AGBL1: variants seen among roughly 807,000 people sequenced by gnomAD.
AGBL1 encodes AGBL carboxypeptidase 1.
Under a neutral mutation model 118.9 loss-of-function variants are expected in AGBL1, and 130 were observed. The observed-to-expected ratio is 1.09, with a 90% CI of 0.95 to 1.26. AGBL1 has a LOEUF of 1.26. AGBL1 is among the 50% of genes most tolerant of loss of function. The pLI is 0.00. For synonymous variants in AGBL1, 555 were observed against 478.9 expected (o/e 1.16, Z -2.08); for missense variants, 1,584 against 1,298.1 (o/e 1.22, Z -3.38).
chr15:86,858,940 C>A (rs903371365), intron 22 of AGBL1, among the ~76,000 whole-genome samples: 2 of 152,134 alleles, frequency 1.3e-5, no homozygotes, highest in African/African-American at 4.8e-5. Flanking sequence ...ATTACCTCCA[C>A]CTTATGGAGA....
At chr15:86,154,856 A>C (rs911668723) in intron 4 of AGBL1, among the ~76,000 whole-genome samples, 1 of 150,812 alleles carries the variant, frequency 6.6e-6, no homozygotes, top group Non-Finnish European at 1.5e-5. Context: ...TTCGTACTAC[A>C]AGGTAAAAAA....
rs564967469 is a variant in AGBL1, at chr15:86,168,362, C to T, written c.488+9336C>T. Among the ~76,000 whole-genome samples, 4 of 152,128 alleles carry T rather than the reference C, an allele frequency of 2.6e-5. No individual in the cohort carries two copies. In the South Asian group the frequency reaches 8.3e-4, roughly 32 times the overall value. The stretch of plus-strand genomic sequence containing the variant: ...TTTTATAAGAGCACCACGTTCTAGG[C>T]AGAGGCAGAAGCAAGAGCAAAGACA... On this transcript the variant is annotated intron_variant, in intron 5 of 22. Transcript: ENST00000614907.
At chr15:86,346,382 T>A (rs1478785135) in intron 17 of AGBL1, among the ~76,000 whole-genome samples, 1 of 151,246 alleles carries the variant, frequency 6.6e-6, no homozygotes, top group East Asian at 2.0e-4. Flanking sequence ...AGTCTCGCTC[T>A]GTTGCCCAGG....
intron 24 of AGBL1, among the ~76,000 whole-genome samples, chr15:86,997,262 A>G (rs1293641017): frequency 1.3e-5 from 2 of 152,136 alleles, no homozygotes; most frequent in African/African-American, 4.8e-5. Flanking sequence ...AGAGATAACC[A>G]AATGCATGGC....
intron 18 of AGBL1, among the ~76,000 whole-genome samples, chr15:86,476,518 C>T (rs1209266945): frequency 3.9e-5 from 6 of 152,182 alleles, no homozygotes; most frequent in Non-Finnish European, 7.3e-5. Flanking sequence ...ATCAATTCAA[C>T]AAGAAGAGCT....
At chr15:86,213,994 A>T (rs2078144616) in intron 5 of AGBL1, among the ~76,000 whole-genome samples, 1 of 152,074 alleles carries the variant, frequency 6.6e-6, no homozygotes, top group African/African-American at 2.4e-5. Context: ...TGGGTATCTC[A>T]TGTAAGTGGA....
chr15:86,362,505 C>G (rs549511959), intron 17 of AGBL1, among the ~76,000 whole-genome samples: 1 of 152,252 alleles, frequency 6.6e-6, no homozygotes, highest in East Asian at 1.9e-4. Flanking sequence ...GCTTGAGGAT[C>G]CATAATTCGG....
chr15:86,182,290 C>T (rs2077563675), intron 5 of AGBL1, among the ~76,000 whole-genome samples: 1 of 151,942 alleles, frequency 6.6e-6, no homozygotes, highest in Admixed American at 6.6e-5. Context: ...TTCCTCTCTT[C>T]TTCCCTTTCT....
At chr15:86,561,372 G>A (rs140283441) in intron 21 of AGBL1, among the ~76,000 whole-genome samples, 6,064 of 152,192 alleles carry the variant, frequency 0.04, 407 homozygotes, top group African/African-American at 0.14. Context: ...AGCTTTCTAC[G>A]TCTGGCTAGC....
chr15:87,006,341 C>G (rs540097220), intron 24 of AGBL1, among the ~76,000 whole-genome samples: 1 of 152,262 alleles, frequency 6.6e-6, no homozygotes, highest in Admixed American at 6.5e-5. Context: ...GGACTCCACT[C>G]AGTTCAAGCT....
chr15:86,184,300 A>C (rs2077593682), intron 5 of AGBL1, among the ~76,000 whole-genome samples: 1 of 152,188 alleles, frequency 6.6e-6, no homozygotes, highest in African/African-American at 2.4e-5. Flanking sequence ...TTGAGTAATT[A>C]GTCATAAGGT....
rs760422660 is a variant in AGBL1 at position 86,397,359 on chromosome 15, T to G, written c.2375-7T>G. ...GGTTTAATTTTCTTATGTCCCTTTT[T>G]CTGCAGGACATCGTCCATATCAGGT... On this transcript the variant is annotated splice_polypyrimidine_tract_variant and splice_region_variant and intron_variant, in intron 17 of 22. Transcript: ENST00000614907. 6.1e-6 allele frequency: 9 copies of G among 1,483,322 alleles called. No individual in the cohort carries two copies. In the East Asian group the frequency reaches 2.1e-4, roughly 35 times the overall value. 91.9% of individuals were successfully genotyped at this position (1,483,322 alleles called of 1,614,324 possible).
intron 5 of AGBL1, among the ~76,000 whole-genome samples, chr15:86,192,291 A>G (rs924544823): frequency 1.9e-4 from 28 of 150,054 alleles, no homozygotes; most frequent in Non-Finnish European, 3.0e-4. Flanking sequence ...TAATTTTTAC[A>G]TATAATGGAG....
At chr15:86,503,654 T>A (rs1397053083) in intron 18 of AGBL1, among the ~76,000 whole-genome samples, 1 of 151,466 alleles carries the variant, frequency 6.6e-6, no homozygotes, top group Non-Finnish European at 1.5e-5. Flanking sequence ...TTTCAAAGTA[T>A]TTTCTAATTT....
chr15:86,963,768 T>A (rs2081017873), intron 23 of AGBL1, among the ~76,000 whole-genome samples: 1 of 151,916 alleles, frequency 6.6e-6, no homozygotes, highest in Non-Finnish European at 1.5e-5. Context: ...TGAACCACTG[T>A]TCAATGATTT....
intron 21 of AGBL1, among the ~76,000 whole-genome samples, chr15:86,603,456 G>A (rs1287706658): frequency 1.3e-5 from 2 of 150,272 alleles, no homozygotes; most frequent in African/African-American, 4.9e-5. Flanking sequence ...TCAAGCATCT[G>A]GGCACTTGGC....
At chr15:86,450,269 A>G (rs1307437865) in intron 18 of AGBL1, among the ~76,000 whole-genome samples, 1 of 152,172 alleles carries the variant, frequency 6.6e-6, no homozygotes, top group Non-Finnish European at 1.5e-5. Context: ...CTCCCAGGAG[A>G]GGTTTATGTT....
At chr15:86,608,306 C>T (rs1457814247) in intron 21 of AGBL1, among the ~76,000 whole-genome samples, 7 of 152,160 alleles carry the variant, frequency 4.6e-5, no homozygotes, top group Non-Finnish European at 7.3e-5. Flanking sequence ...TGGTTAGACA[C>T]AGGCTCGAGC....
Position 86,416,259 on chromosome 15 carries a change from G to GATGGCCT in AGBL1, c.2555+18716_2555+18722dup, listed in dbSNP as rs564673359. Among the ~76,000 whole-genome samples, 392 of 152,318 alleles carry GATGGCCT rather than the reference G, an allele frequency of 2.6e-3. 1 individual carries two copies. The highest frequency in any genetic ancestry group is 9.0e-3 in the African/African-American group (376 of 41,584). On this transcript the variant is annotated intron_variant, in intron 18 of 22. Transcript: ENST00000614907. The stretch of plus-strand genomic sequence containing the variant: ...TAAAGGGAACTGTATTCATGGAAAA[G>GATGGCCT]ATGGCCTATTCCAATATAATGTCAA...
Sources: allele counts gnomAD v4.1 joint callset (sites outside exome capture counted in the v4.1 genomes callset), GRCh38; gene constraint gnomAD v4.1.1; transcripts MANE v1.5; gene names NCBI Gene and HGNC (gene_info 2026-07-23, HGNC 2026-07-21).